DPF3: variants seen among roughly 807,000 people sequenced by gnomAD.
DPF3 encodes the protein zinc finger protein DPF3.
Under a neutral mutation model 56.8 loss-of-function variants are expected in DPF3, and 18 were observed. That is an observed-to-expected ratio of 0.32 (90% CI 0.22 to 0.47). DPF3 has a LOEUF of 0.47. Among genes scored for constraint, DPF3 ranks in the 20% least tolerant of loss-of-function variants. The pLI, the probability that DPF3 is intolerant of heterozygous loss-of-function variation, is 1.00. For synonymous variants in DPF3, 188 were observed against 180.2 expected, an observed-to-expected ratio of 1.04 and a Z score of -0.35; for missense variants, 403 against 488.8, an observed-to-expected ratio of 0.82 and a Z score of 1.65.
chr14:72,831,063 G>T (rs1884036140), intron 1 of DPF3, among the ~76,000 whole-genome samples: 1 of 152,158 alleles, frequency 6.6e-6, no homozygotes, highest in African/African-American at 2.4e-5. Flanking sequence ...TCAGGCTACT[G>T]CTGTCCTTCT....
At chr14:72,721,860 C>T (rs1324246003) in intron 5 of DPF3, among the ~76,000 whole-genome samples, 6 of 152,168 alleles carry the variant, frequency 3.9e-5, no homozygotes, top group Admixed American at 3.9e-4. Context: ...CCTCCCACCA[C>T]TTCTAGAATG....
In DPF3 at chr14:72,723,687, T is replaced by C; in HGVS notation, c.471A>G (p.Glu157=). ...GAATATCCTCTTCCAAATCCTCTTC[T>C]TCATTCCCTTCTTCTACATTTTCAT... ...ENDENVEEGN[E]EEDLEEDIPK... The change falls in exon 5 of 11, where the codon GAA becomes GAG. Residue 157 remains glutamate, a synonymous_variant. Coordinates refer to ENST00000556509, the MANE Select transcript of DPF3 (RefSeq NM_001280542.3). 1 of 1,589,982 alleles carries C rather than the reference T, an allele frequency of 6.3e-7. No individual in the cohort carries two copies. The highest frequency in any genetic ancestry group is 1.2e-5 in the South Asian group (1 of 85,510).
At chr14:72,719,033 G>A (rs941707938) in intron 5 of DPF3, among the ~76,000 whole-genome samples, 5 of 149,190 alleles carry the variant, frequency 3.4e-5, no homozygotes, top group Admixed American at 2.7e-4. Context: ...GCCTCCCAAA[G>A]TGCTGGGATT....
In DPF3 at chr14:72,773,133, G is replaced by GT. The variant is rs61015684; in HGVS notation, c.33-1241dup. Among the ~76,000 whole-genome samples, 237 of 117,640 alleles carry GT rather than the reference G, an allele frequency of 2.0e-3. 1 individual carries two copies. Among genetic ancestry groups the GT allele is most frequent in the East Asian group, 2.7e-3 (11 of 4,060 alleles). The allele number at this position is 117,640 out of a possible 152,430, so 77.2% of individuals were successfully genotyped here. A position where few individuals can be genotyped will look rare whatever the true frequency, so the allele number is the denominator to read the frequency against. On this transcript the variant is annotated intron_variant, in intron 1 of 10. Transcript: ENST00000556509. Reference sequence around the variant, plus strand: ...AAAATTGGGGTGTTGGGTTTTTTGGGTTTTTTTTTTTTTTTTTGAGATGGA... The same window carrying GT: ...AAAATTGGGGTGTTGGGTTTTTTGGGTTTTTTTTTTTTTTTTTTGAGATGGA...
intron 1 of DPF3, chr14:72,892,428 T>C (rs1886789461): frequency 1.4e-6 from 2 of 1,466,506 alleles, no homozygotes; most frequent in East Asian, 2.5e-5. Flanking sequence ...AGCTCCTATC[T>C]GATCAGCCTC....
chr14:72,739,581 C>A (rs1294971670), intron 3 of DPF3, among the ~76,000 whole-genome samples: 1 of 152,206 alleles, frequency 6.6e-6, no homozygotes, highest in Non-Finnish European at 1.5e-5. Context: ...GCACAGCTAA[C>A]CCCACCATGG....
rs1485199813 is a variant in DPF3 at position 72,614,787 on chromosome 14, A to C, written c.*4510T>G. Among the ~76,000 whole-genome samples the C allele has an allele frequency of 1.3e-5, 2 of 150,950 alleles. No homozygotes were observed. The highest frequency in any genetic ancestry group is 1.5e-5 in the Non-Finnish European group (1 of 67,702). ...GGATCACAAGCCTCAGAAAAAAAAA[A>C]AAGAGTTACAATCACTGTTCACTCC... On this transcript the variant is annotated 3_prime_UTR_variant, in exon 11 of 11. Transcript: ENST00000556509.
rs1363267556 is a variant in DPF3 at position 72,617,865 on chromosome 14, A to G, written c.*1432T>C. 6.6e-6 allele frequency among the ~76,000 whole-genome samples: 1 copy of G among 152,116 alleles called. No individual in the cohort carries two copies. The highest frequency in any genetic ancestry group is 2.4e-5 in the African/African-American group (1 of 41,432). ...ACCACAGAGATGGAGCTGATTTCAG[A>G]GAAGCCAAGCATGCGCGAGGGTTCC... On this transcript the variant is annotated 3_prime_UTR_variant, in exon 11 of 11. Transcript: ENST00000556509.
chr14:72,719,093 G>T (rs1438528753), intron 5 of DPF3, among the ~76,000 whole-genome samples: 1 of 93,016 alleles, frequency 1.1e-5, no homozygotes. Context: ...TTTTTGAGAT[G>T]GGGTCTCACT....
chr14:72,802,736 G>A (rs1351773389), intron 1 of DPF3, among the ~76,000 whole-genome samples: 1 of 152,158 alleles, frequency 6.6e-6, no homozygotes. Flanking sequence ...GATACAAAGT[G>A]GATGGGAAGC....
chr14:72,749,248 T>C (rs1414053837), intron 3 of DPF3, among the ~76,000 whole-genome samples: 1 of 152,236 alleles, frequency 6.6e-6, no homozygotes, highest in Non-Finnish European at 1.5e-5. Flanking sequence ...GGAGATCATT[T>C]TGGAGTTTTA....
chr14:72,769,850 A>T (rs1891448572), intron 2 of DPF3, among the ~76,000 whole-genome samples: 1 of 152,054 alleles, frequency 6.6e-6, no homozygotes, highest in Admixed American at 6.5e-5. Flanking sequence ...TATTATATTG[A>T]TCGTCTTTGG....
intron 1 of DPF3, among the ~76,000 whole-genome samples, chr14:72,784,952 C>T (rs1037094862): frequency 6.7e-6 from 1 of 149,396 alleles, no homozygotes; most frequent in Non-Finnish European, 1.5e-5. Context: ...AGCAAAACAC[C>T]GCCTCAAAAA....
At chr14:72,880,359 C>T (rs1018581096) in intron 1 of DPF3, among the ~76,000 whole-genome samples, 1 of 152,176 alleles carries the variant, frequency 6.6e-6, no homozygotes, top group African/African-American at 2.4e-5. Flanking sequence ...CAGGCTCAAA[C>T]TTTAGTTGGC....
At chr14:72,797,202 A>G (rs549756791) in intron 1 of DPF3, among the ~76,000 whole-genome samples, 55 of 152,338 alleles carry the variant, frequency 3.6e-4, no homozygotes, top group Non-Finnish European at 6.5e-4. Context: ...CTGCTGGAGA[A>G]TGAGCAGACA....
chr14:72,683,326 CAA>C (rs56087517), intron 7 of DPF3, among the ~76,000 whole-genome samples: 3,566 of 79,532 alleles, frequency 0.045, 157 homozygotes, highest in African/African-American at 0.15. Context: ...GACCCCATCT[CAA>C]AAAAAAAAAA....
chr14:72,775,233 C>A (rs896964893), intron 1 of DPF3, among the ~76,000 whole-genome samples: 1 of 151,938 alleles, frequency 6.6e-6, no homozygotes, highest in Non-Finnish European at 1.5e-5. Context: ...TCAGGCCCCC[C>A]AAAAAAACAA....
chr14:72,821,539 G>A (rs183250377), intron 1 of DPF3, among the ~76,000 whole-genome samples: 3 of 152,276 alleles, frequency 2.0e-5, no homozygotes, highest in Non-Finnish European at 4.4e-5. Flanking sequence ...ATCGAATATT[G>A]TCCATGGTAC....
chr14:72,685,460 T>C (rs1887369016), intron 7 of DPF3, among the ~76,000 whole-genome samples: 1 of 152,236 alleles, frequency 6.6e-6, no homozygotes. Context: ...TGACACTTAC[T>C]AGTTGTTCCG....
Sources: allele counts gnomAD v4.1 joint callset (sites outside exome capture counted in the v4.1 genomes callset), GRCh38; gene constraint gnomAD v4.1.1; transcripts MANE v1.5; gene names NCBI Gene and HGNC (gene_info 2026-07-23, HGNC 2026-07-21).